Variants in KLHL38 observed in about 807,000 individuals in gnomAD.
KLHL38 encodes kelch-like protein 38.
In KLHL38, 38 loss-of-function variants were observed where a neutral mutation model predicts 39.6. That is an observed-to-expected ratio of 0.96 (90% confidence interval 0.74 to 1.26). KLHL38 has a LOEUF of 1.26. KLHL38 is among the 50% of genes most tolerant of loss of function. The probability of loss-of-function intolerance (pLI) is 0.00; values close to 1 mark genes in which losing one functional copy is unlikely to be tolerated. For synonymous variants in KLHL38, 322 were observed against 302.2 expected (o/e 1.07, Z -0.68); for missense variants, 803 against 748.1 (o/e 1.07, Z -0.86).
At chr8:123,649,201 T>G (rs1189524435) in intron 2 of KLHL38, among the ~76,000 whole-genome samples, 1 of 152,156 alleles carries the variant, frequency 6.6e-6, no homozygotes, top group Non-Finnish European at 1.5e-5. Flanking sequence ...TTGACTGTTT[T>G]GAAAAATAGA....
intron 2 of KLHL38, among the ~76,000 whole-genome samples, chr8:123,647,358 A>C (rs182573309): frequency 2.8e-4 from 42 of 152,152 alleles, no homozygotes; most frequent in African/African-American, 9.4e-4. Flanking sequence ...AAAACCAATG[A>C]TTTTCTGATC....
chr8:123,649,858 G>T (rs1191742057), intron 2 of KLHL38, among the ~76,000 whole-genome samples: 2 of 152,080 alleles, frequency 1.3e-5, no homozygotes, highest in Non-Finnish European at 2.9e-5. Context: ...GCTCTGTCTT[G>T]CAACTCCATT....
chr8:123,651,500 G>A (rs1471052042), intron 2 of KLHL38, 77 bp downstream of exon 2: 1 of 1,437,762 alleles, frequency 7.0e-7, no homozygotes, highest in African/African-American at 1.4e-5. Context: ...ACATGTGCAT[G>A]TGTGTGCAAG....
At chr8:123,651,324 G>A (rs62518570) in intron 2 of KLHL38, among the ~76,000 whole-genome samples, 6,140 of 152,280 alleles carry the variant, frequency 0.04, 173 homozygotes, top group Non-Finnish European at 0.062. Flanking sequence ...ATGTGCACAC[G>A]TATGCATGTT....
chr8:123,652,126 G>A lies in KLHL38; in HGVS notation c.801C>T (p.Val267=). The A allele has an allele frequency of 1.9e-6, 3 of 1,614,202 alleles. No homozygotes were observed. Among genetic ancestry groups the A allele is most frequent in the Non-Finnish European group, 2.5e-6 (3 of 1,180,030 alleles). The change falls in exon 2 of 4, where the codon GTC becomes GTT. Residue 267 remains valine (V), a synonymous_variant. Coordinates refer to ENST00000684634, the MANE Select transcript of KLHL38 (RefSeq NM_001081675.3). The part of the protein sequence containing the change: ...RQMFSLCGTT[V]PDCKLLLHVP... Reference sequence around the variant, plus strand: ...CATGCAACAGGAGTTTGCAGTCTGGGACGGTGGTGCCACACAAAGAGAACA... The same window carrying A: ...CATGCAACAGGAGTTTGCAGTCTGGAACGGTGGTGCCACACAAAGAGAACA...
chr8:123,646,888 T>C, intron 3 of KLHL38, 21 bp downstream of exon 3: 1 of 1,548,968 alleles, frequency 6.5e-7, no homozygotes, highest in Non-Finnish European at 8.9e-7. Flanking sequence ...TCACGCCCAG[T>C]GATCCTCTGT....
Position 123,652,348 on chromosome 8 carries a change from C to T in KLHL38, c.579G>A (p.Glu193=), listed in dbSNP as rs777536554. The T allele has an allele frequency of 2.5e-6, 4 of 1,613,934 alleles. No individual in the cohort carries two copies. The highest frequency in any genetic ancestry group is 1.1e-5 in the South Asian group (1 of 91,076). The change falls in exon 2 of 4, where the codon GAG becomes GAA. Residue 193 remains glutamate (E), a synonymous_variant. Coordinates refer to ENST00000684634, the MANE Select transcript of KLHL38 (RefSeq NM_001081675.3). The part of the protein sequence containing the change: ...YLGDDGLCGE[E]EKVFEALMVW... ...CCATGAGGGCCTCAAACACCTTTTC[C>T]TCCTCCCCACAGAGCCCATCATCTC...
chr8:123,645,348 A>G lies in KLHL38; in HGVS notation c.*391T>C, dbSNP rs563822238. ...GCTACTCAGGAGGCTGAGGCGTGAG[A>G]ATCGCTTGAACCTGGGAGGTGGGGG... is the stretch of plus-strand genomic sequence containing the variant. On this transcript the variant is annotated 3_prime_UTR_variant, in exon 4 of 4. Transcript: ENST00000684634. Among the ~76,000 whole-genome samples the G allele has an allele frequency of 6.6e-6, 1 of 152,094 alleles. No homozygotes were observed. The highest frequency in any genetic ancestry group is 2.1e-4 in the South Asian group (1 of 4,808).
rs760977920 is a variant in KLHL38 at position 123,652,325 on chromosome 8, A to T, written c.602T>A (p.Met201Lys). The change falls in exon 2 of 4, where the codon ATG (methionine) becomes AAG (lysine). Residue 201 changes from methionine (M) to lysine (K), a missense_variant. Transcript: ENST00000684634. Reference sequence around the variant, plus strand: ...CTGGAGGTCATGCTTGATCCAAACCATGAGGGCCTCAAACACCTTTTCCTC... The same window carrying T: ...CTGGAGGTCATGCTTGATCCAAACCTTGAGGGCCTCAAACACCTTTTCCTC... Reference protein sequence around the residue: ...GEEEKVFEALMVWIKHDLQAR... With the variant: ...GEEEKVFEALKVWIKHDLQAR... 1 of 1,613,724 alleles carries T rather than the reference A, an allele frequency of 6.2e-7. No individual in the cohort carries two copies. Among genetic ancestry groups the T allele is most frequent in the African/African-American group, 1.3e-5 (1 of 74,890 alleles).
At position 123,652,057 on chromosome 8, in the gene KLHL38, G is replaced by A. The variant is rs369848638; in HGVS notation, c.870C>T (p.Gly290=). ...TGGTCTGCTGGCTGTCCTTCCTTCC[G>A]CCCAAGAGGATGAGGAAATCTTGGT... is the stretch of plus-strand genomic sequence containing the variant. The part of the protein sequence containing the change: ...NSYQDFLILL[G]GRKDSQQTTR... The change falls in exon 2 of 4, where the codon GGC becomes GGT. Residue 290 remains glycine, a synonymous_variant. Coordinates refer to ENST00000684634, the MANE Select transcript of KLHL38 (RefSeq NM_001081675.3). The A allele has an allele frequency of 2.3e-5, 37 of 1,614,042 alleles. No homozygotes were observed. Among genetic ancestry groups the A allele is most frequent in the East Asian group, 8.9e-5 (4 of 44,896 alleles).
intron 2 of KLHL38, among the ~76,000 whole-genome samples, chr8:123,647,732 T>C (rs965979215): frequency 6.6e-6 from 1 of 152,228 alleles, no homozygotes; most frequent in Admixed American, 6.5e-5. Flanking sequence ...AGAGCATTTA[T>C]CTACAGAGGA....
Position 123,651,573 on chromosome 8 carries a change from T to A in KLHL38, c.1350+4A>T, listed in dbSNP as rs777342536. ...TTACGTGATGGGAAGAACCGGCCAT[T>A]TACCTGGATAAGGCGCACAGGGTTC... On this transcript the variant is annotated splice_donor_region_variant and intron_variant, in intron 2 of 3. Transcript: ENST00000684634. 1 of 1,554,006 alleles carries A rather than the reference T, an allele frequency of 6.4e-7. No individual in the cohort carries two copies. The highest frequency in any genetic ancestry group is 1.2e-5 in the South Asian group (1 of 81,206).
In KLHL38 at chr8:123,645,113, C is replaced by G. The variant is rs1429951895; in HGVS notation, c.*626G>C. Among the ~76,000 whole-genome samples, 1 of 148,612 alleles carries G rather than the reference C, an allele frequency of 6.7e-6. No homozygotes were observed. The highest frequency in any genetic ancestry group is 2.5e-5 in the African/African-American group (1 of 40,300). On this transcript the variant is annotated 3_prime_UTR_variant, in exon 4 of 4. Transcript: ENST00000684634. ...AGAGAAGCAGAGAGGGGGAGACAGA[C>G]AGAGAGAGAGAAGAGAGACAGAAAC...
rs771069902 is a variant in KLHL38, at chr8:123,652,562, G to A, written c.365C>T (p.Ala122Val). ...SMLQFPKLFE[A>V]CSSYLQSQLA... ...CTGGCTCTGCAAGTACGAGGAGCAG[G>A]CCTCAAACAGCTTGGGGAACTGTAG... Residue 122 changes from alanine to valine, a missense_variant, in exon 2 of 4, where the codon GCC (alanine) becomes GTC (valine). Transcript: ENST00000684634. 6.2e-7 allele frequency: 1 copy of A among 1,614,070 alleles called. No individual in the cohort carries two copies.
Position 123,645,999 on chromosome 8 carries a change from G to T in KLHL38, c.1486C>A (p.Pro496Thr). The T allele has an allele frequency of 6.2e-7, 1 of 1,614,170 alleles. No homozygotes were observed. The highest frequency in any genetic ancestry group is 2.2e-5 in the East Asian group (1 of 44,884). ...GYTRRILAYD[P>T]QSNKFVKCAD... ...CATTTGACAAATTTGTTGGATTGAGGGTCATAAGCAAGAATCCTCCTTGTG... is the reference window on the plus strand; with the variant it reads ...CATTTGACAAATTTGTTGGATTGAGTGTCATAAGCAAGAATCCTCCTTGTG... Residue 496 changes from proline to threonine, a missense_variant, in exon 4 of 4, where the codon CCT (proline) becomes ACT (threonine). By Grantham distance (38) the Pro-to-Thr change is conservative. Transcript: ENST00000684634.
chr8:123,652,522 G>C lies in KLHL38; in HGVS notation c.405C>G (p.Asn135Lys). The part of the protein sequence containing the change: ...SYLQSQLAPS[N>K]CLGMIRLSEI... ...CTGAGAGTCTGATCATACCCAGGCA[G>C]TTGCTGGGGGCCAACTGGCTCTGCA... is the stretch of plus-strand genomic sequence containing the variant. Residue 135 changes from asparagine (N) to lysine (K), a missense_variant, in exon 2 of 4, where the codon AAC (asparagine) becomes AAG (lysine). Physicochemically the swap from Asn to Lys is moderately conservative, Grantham distance 94. Transcript: ENST00000684634. The C allele has an allele frequency of 6.2e-7, 1 of 1,614,222 alleles. No individual in the cohort carries two copies. The highest frequency in any genetic ancestry group is 1.7e-5 in the Admixed American group (1 of 60,030).
At chr8:123,649,141 T>C (rs941686472) in intron 2 of KLHL38, among the ~76,000 whole-genome samples, 4 of 152,230 alleles carry the variant, frequency 2.6e-5, no homozygotes, top group Non-Finnish European at 5.9e-5. Flanking sequence ...TGAGTTTTAT[T>C]CTCAGAAGGT....
Position 123,645,963 on chromosome 8 carries a change from T to C in KLHL38, c.1522A>G (p.Lys508Glu), listed in dbSNP as rs72711231. The change falls in exon 4 of 4, where the codon AAA becomes GAA. Residue 508 changes from lysine to glutamate, a missense_variant. By Grantham distance (56) the Lys-to-Glu change is moderately conservative (BLOSUM62 1). Coordinates refer to ENST00000684634, the MANE Select transcript of KLHL38 (RefSeq NM_001081675.3). ...SNKFVKCADMKDRRMHHGATV... is the reference protein window; with the variant it reads ...SNKFVKCADMEDRRMHHGATV... The stretch of plus-strand genomic sequence containing the variant: ...GCCCCATGGTGCATCCTCCGGTCTT[T>C]CATGTCCGCACATTTGACAAATTTG... 85,591 of 1,614,060 alleles carry C rather than the reference T, an allele frequency of 0.053. 4,191 individuals are homozygous for C. Among genetic ancestry groups the C allele is most frequent in the East Asian group, 0.22 (9,995 of 44,850 alleles).
chr8:123,645,876 T>C lies in KLHL38; in HGVS notation c.1609A>G (p.Ile537Val), dbSNP rs746099428. Residue 537 changes from isoleucine to valine, a missense_variant, in exon 4 of 4, where the codon ATT (isoleucine) becomes GTT (valine). Coordinates refer to ENST00000684634, the MANE Select transcript of KLHL38 (RefSeq NM_001081675.3). The stretch of plus-strand genomic sequence containing the variant: ...CAATCGAAGGAGGCGGAGTCCTCAA[T>C]GTTGCAGTCCGTGGTCAGCCGCCGC... ...GGRRLTTDCN[I>V]EDSASFDCYD... 6.2e-7 allele frequency: 1 copy of C among 1,614,050 alleles called. No individual in the cohort carries two copies. The highest frequency in any genetic ancestry group is 1.1e-5 in the South Asian group (1 of 91,062).
Sources: allele counts gnomAD v4.1 joint callset (sites outside exome capture counted in the v4.1 genomes callset), GRCh38; gene constraint gnomAD v4.1.1; transcripts MANE v1.5; gene names NCBI Gene and HGNC (gene_info 2026-07-23, HGNC 2026-07-21).